Variants in APOL3 observed in about 807,000 individuals in gnomAD.
APOL3 encodes apolipoprotein L3.
APOL3 carries 14 observed loss-of-function variants against 11.6 expected under a neutral mutation model. The observed-to-expected ratio is 1.21, with a 90% CI of 0.80 to 1.89. APOL3 has a LOEUF of 1.89. Ranked by LOEUF, APOL3 falls within the 40% of genes most tolerant of loss-of-function variation. The pLI is 0.00. For missense variants in APOL3, 483 were observed against 492.1 expected (o/e 0.98, Z 0.17); for synonymous variants, 192 against 190.6 (o/e 1.01, Z -0.06).
Position 36,149,398 on chromosome 22 carries a change from C to T in APOL3, c.224-3799G>A, listed in dbSNP as rs746910843. 9.2e-6 allele frequency: 12 copies of T among 1,304,440 alleles called. No homozygotes were observed. In the East Asian group the frequency reaches 3.3e-4, roughly 36 times the overall value. 80.8% of individuals were successfully genotyped at this position (1,304,440 alleles called of 1,614,324 possible). A position where few individuals can be genotyped will look rare whatever the true frequency, so the allele number is the denominator to read the frequency against. ...TGTAGGGGTATGAAGAGAAGATAATCAGAGGAAGGGATGGACATCTGATAA... is the reference window on the plus strand; with the variant it reads ...TGTAGGGGTATGAAGAGAAGATAATTAGAGGAAGGGATGGACATCTGATAA... On this transcript the variant is annotated intron_variant, in intron 1 of 2. Transcript: ENST00000349314.
At chr22:36,149,855 T>C in intron 1 of APOL3, 1 of 456,330 alleles carries the variant, frequency 2.2e-6, no homozygotes, top group South Asian at 1.5e-5. Context: ...TCACTGGTGC[T>C]GTGCTGGACA....
intron 1 of APOL3, chr22:36,153,489 G>C (rs1341801527): frequency 2.2e-6 from 1 of 444,570 alleles, no homozygotes; most frequent in Non-Finnish European, 4.6e-6. Flanking sequence ...CATAATCAGA[G>C]TGAACTCCTA....
At chr22:36,141,566 A>G (rs778635767) in exon 3 of APOL3, 13 of 1,614,100 alleles carry the variant, frequency 8.1e-6, no homozygotes, top group Non-Finnish European at 1.1e-5. Context: ...AATAATTATT[A>G]AGAAGGGAAA....
intron 1 of APOL3, among the ~76,000 whole-genome samples, chr22:36,157,431 A>T (rs928094760): frequency 4.6e-5 from 7 of 152,260 alleles, no homozygotes; most frequent in Admixed American, 2.0e-4. Context: ...AGAAGAAACA[A>T]ATTCTTCTCC....
intron 1 of APOL3, among the ~76,000 whole-genome samples, chr22:36,151,831 T>C (rs748765339): frequency 6.6e-6 from 1 of 152,178 alleles, no homozygotes; most frequent in Non-Finnish European, 1.5e-5. Context: ...TGCATGCCTC[T>C]AGTCCCAACT....
exon 3 of APOL3, chr22:36,141,739 C>T: frequency 6.2e-7 from 1 of 1,614,090 alleles, no homozygotes; most frequent in Non-Finnish European, 8.5e-7. Flanking sequence ...CCCAGCCCTA[C>T]CCCAGCTGCA....
chr22:36,149,047 T>A, intron 1 of APOL3: 1 of 1,368,492 alleles, frequency 7.3e-7, no homozygotes, highest in South Asian at 1.1e-5. Context: ...CAAGCCTACC[T>A]GAGTCCATGG....
At chr22:36,142,398 T>C (rs1407043617) in intron 2 of APOL3, among the ~76,000 whole-genome samples, 3 of 152,146 alleles carry the variant, frequency 2.0e-5, no homozygotes, top group Non-Finnish European at 4.4e-5. Context: ...ATTTTGTAGA[T>C]GAACAAAGAG....
At chr22:36,141,503 T>C in exon 3 of APOL3, 2 of 1,614,204 alleles carry the variant, frequency 1.2e-6, no homozygotes, top group Non-Finnish European at 1.7e-6. Context: ...GGGCCCTGGC[T>C]CTGGCTTGCC....
At chr22:36,143,910 A>G (rs544676367) in intron 2 of APOL3, among the ~76,000 whole-genome samples, 1 of 152,338 alleles carries the variant, frequency 6.6e-6, no homozygotes, top group African/African-American at 2.4e-5. Context: ...GGACAAGATG[A>G]TAGAGAAAGT....
At chr22:36,157,133 A>G (rs132649) in intron 1 of APOL3, 148,656 of 412,220 alleles carry the variant, frequency 0.36, 32,616 homozygotes, top group East Asian at 0.85. Context: ...TTGTACGAGG[A>G]GAAAGAAAAA....
exon 3 of APOL3, chr22:36,140,569 C>T (rs1203497846): frequency 1.3e-5 from 2 of 152,358 alleles, no homozygotes; most frequent in East Asian, 1.9e-4. Flanking sequence ...ATTACCTGGC[C>T]TTCAGGGTTC....
At chr22:36,161,696 G>A (rs2013703623), upstream of APOL3, 1 of 152,572 alleles carries the variant, frequency 6.6e-6, no homozygotes, top group Middle Eastern at 3.4e-3. Context: ...ACAGTCCCAG[G>A]TTGACTGAAC....
At chr22:36,153,118 T>A (rs2017329) in intron 1 of APOL3, among the ~76,000 whole-genome samples, 84,829 of 150,360 alleles carry the variant, frequency 0.56, 24,575 homozygotes, top group African/African-American at 0.67. Flanking sequence ...TCTCAGAAAA[T>A]AAAAAAAGGA....
chr22:36,151,733 C>A (rs1426173260), intron 1 of APOL3, among the ~76,000 whole-genome samples: 1 of 152,096 alleles, frequency 6.6e-6, no homozygotes, highest in Non-Finnish European at 1.5e-5. Flanking sequence ...CAGGAGAATT[C>A]TTTGAGTCCA....
At chr22:36,148,284 C>T (rs1278903265) in intron 1 of APOL3, among the ~76,000 whole-genome samples, 1 of 152,186 alleles carries the variant, frequency 6.6e-6, no homozygotes. Flanking sequence ...TTGTGATGGG[C>T]CGTGCAGGGC....
chr22:36,144,614 G>A (rs1347459795), intron 2 of APOL3, among the ~76,000 whole-genome samples: 5 of 152,106 alleles, frequency 3.3e-5, no homozygotes, highest in Non-Finnish European at 1.5e-5. Context: ...CCTCAGAGGT[G>A]GAAGAAAAGG....
In APOL3 at chr22:36,145,457, AC is replaced by A; in HGVS notation, c.350+15del. 5 of 1,613,242 alleles carry A rather than the reference AC, an allele frequency of 3.1e-6. No individual in the cohort carries two copies. The highest frequency in any genetic ancestry group is 4.2e-6 in the Non-Finnish European group (5 of 1,179,628). ...ATAGCCGGGGCGCCCCATGGAGGTAACCCCACGGAGGTTACCTGGGCAATTC... is the reference window on the plus strand; with the variant it reads ...ATAGCCGGGGCGCCCCATGGAGGTAACCCACGGAGGTTACCTGGGCAATTC... On this transcript the variant is annotated intron_variant, in intron 2 of 2. Transcript: ENST00000349314.
chr22:36,158,859 A>C (rs1483064403), intron 1 of APOL3, among the ~76,000 whole-genome samples: 1 of 152,226 alleles, frequency 6.6e-6, no homozygotes, highest in Non-Finnish European at 1.5e-5. Context: ...TAAAGAAATG[A>C]GGAGGAAAAG....
Sources: gnomAD v4.1 joint callset for allele counts (sites outside exome capture counted in the v4.1 genomes callset) on GRCh38, gnomAD v4.1.1 for gene constraint, MANE v1.5 for transcripts, NCBI Gene and HGNC (gene_info 2026-07-23, HGNC 2026-07-21) for gene names.